The following RNGTT variants were observed in gnomAD, a reference collection of about 807,000 sequenced individuals.
The protein encoded by RNGTT is mRNA-capping enzyme.
Under a neutral mutation model 79.3 loss-of-function variants are expected in RNGTT, and 33 were observed. That is an observed-to-expected ratio of 0.42 (90% CI 0.32 to 0.56). RNGTT has a LOEUF of 0.56. RNGTT is among the 20% of genes least tolerant of loss of function. RNGTT has a pLI of 0.17. For missense variants in RNGTT, 497 were observed against 739.1 expected (o/e 0.67, Z 3.80); for synonymous variants, 222 against 235.9 (o/e 0.94, Z 0.54).
At chr6:88,801,738 A>T (rs1779790747) in intron 11 of RNGTT, 106 bp from the exon 12 acceptor site, 1 of 683,976 alleles carries the variant, frequency 1.5e-6, no homozygotes, top group Non-Finnish European at 2.5e-6. Context: ...ATAAGTTATA[A>T]GAACTGAAAT....
intron 2 of RNGTT, among the ~76,000 whole-genome samples, chr6:88,929,671 T>A (rs1175643357): frequency 6.6e-6 from 1 of 151,964 alleles, no homozygotes; most frequent in African/African-American, 2.4e-5. Context: ...CAACTCAAGC[T>A]CTCGGCACAA....
chr6:88,712,870 C>T (rs1161811736), intron 13 of RNGTT, among the ~76,000 whole-genome samples: 2 of 152,230 alleles, frequency 1.3e-5, no homozygotes, highest in East Asian at 3.9e-4. Flanking sequence ...AAGAAATCTC[C>T]ATGATGTTAC....
At chr6:88,686,977 T>C (rs1266795736) in intron 13 of RNGTT, among the ~76,000 whole-genome samples, 1 of 151,324 alleles carries the variant, frequency 6.6e-6, no homozygotes, top group Non-Finnish European at 1.5e-5. Flanking sequence ...TATGTAAAAA[T>C]TTTTTTAAAT....
intron 12 of RNGTT, among the ~76,000 whole-genome samples, chr6:88,793,981 T>C (rs73498403): frequency 2.6e-5 from 4 of 152,342 alleles, no homozygotes; most frequent in African/African-American, 9.6e-5. Context: ...AATTCATTAC[T>C]TAGTAAATTT....
At chr6:88,701,528 C>T (rs1043135405) in intron 13 of RNGTT, among the ~76,000 whole-genome samples, 6 of 129,438 alleles carry the variant, frequency 4.6e-5, no homozygotes, top group African/African-American at 2.9e-4. Context: ...AATGCAACAA[C>T]AAAAAATTAT....
intron 8 of RNGTT, among the ~76,000 whole-genome samples, chr6:88,887,674 C>T (rs958410153): frequency 2.0e-5 from 3 of 152,022 alleles, no homozygotes; most frequent in Admixed American, 1.3e-4. Flanking sequence ...TCTAACAATA[C>T]CAACACACAG....
chr6:88,849,615 T>C, intron 10 of RNGTT, 140 bp downstream of exon 10: 1 of 613,012 alleles, frequency 1.6e-6, no homozygotes, highest in Non-Finnish European at 2.4e-6. Context: ...TATAAAAGGA[T>C]TAAAAAAAAG....
intron 1 of RNGTT, among the ~76,000 whole-genome samples, chr6:88,948,191 GCC>G (rs1562075211): frequency 5.7e-5 from 1 of 17,430 alleles, no homozygotes; most frequent in Non-Finnish European, 1.1e-4. Flanking sequence ...GGGGGGGTCA[GCC>G]CCCCCGCCCG....
intron 14 of RNGTT, among the ~76,000 whole-genome samples, chr6:88,664,642 C>T (rs1053037718): frequency 2.6e-5 from 4 of 152,082 alleles, no homozygotes; most frequent in African/African-American, 4.8e-5. Flanking sequence ...GTAACCAGTG[C>T]GCCTATTGTA....
intron 13 of RNGTT, among the ~76,000 whole-genome samples, chr6:88,750,403 T>C (rs1033776894): frequency 6.6e-6 from 1 of 152,066 alleles, no homozygotes; most frequent in South Asian, 2.1e-4. Context: ...GGCAAGTCAA[T>C]AGATTTAAGC....
At chr6:88,921,296 G>T (rs1784156311) in intron 4 of RNGTT, among the ~76,000 whole-genome samples, 1 of 151,814 alleles carries the variant, frequency 6.6e-6, no homozygotes, top group African/African-American at 2.4e-5. Context: ...CCCAGCCTGG[G>T]TGACATAGTG....
At chr6:88,840,978 T>A (rs1781267455) in intron 11 of RNGTT, among the ~76,000 whole-genome samples, 1 of 152,224 alleles carries the variant, frequency 6.6e-6, no homozygotes, top group Non-Finnish European at 1.5e-5. Context: ...ATTCATTTTT[T>A]AAAAATGAAC....
chr6:88,762,121 C>T (rs1337569913), intron 13 of RNGTT, among the ~76,000 whole-genome samples: 1 of 152,162 alleles, frequency 6.6e-6, no homozygotes, highest in East Asian at 1.9e-4. Flanking sequence ...TTAGGGTAAT[C>T]AGGTGATAAA....
At chr6:88,696,066 T>G (rs183830450) in intron 13 of RNGTT, among the ~76,000 whole-genome samples, 1 of 152,234 alleles carries the variant, frequency 6.6e-6, no homozygotes, top group East Asian at 1.9e-4. Flanking sequence ...GAAAAAGGTT[T>G]TTGGGATACA....
chr6:88,683,054 T>G (rs1357993764), intron 13 of RNGTT, among the ~76,000 whole-genome samples: 2 of 152,156 alleles, frequency 1.3e-5, no homozygotes, highest in South Asian at 2.1e-4. Flanking sequence ...TAGAAATTGA[T>G]GAGTTAAGTA....
At chr6:88,617,202 G>A (rs190245257) in intron 14 of RNGTT, among the ~76,000 whole-genome samples, 10 of 152,306 alleles carry the variant, frequency 6.6e-5, no homozygotes, top group African/African-American at 1.9e-4. Flanking sequence ...CCTGGGAGGC[G>A]GAGCTTGCAG....
chr6:88,763,145 G>A (rs1447779754), intron 13 of RNGTT, among the ~76,000 whole-genome samples: 1 of 145,542 alleles, frequency 6.9e-6, no homozygotes, highest in African/African-American at 2.6e-5. Context: ...GTTTCACCAG[G>A]TTGCCCAGGC....
At chr6:88,845,499 G>A (rs531231467) in intron 10 of RNGTT, among the ~76,000 whole-genome samples, 5 of 152,208 alleles carry the variant, frequency 3.3e-5, no homozygotes, top group Non-Finnish European at 5.9e-5. Flanking sequence ...AGTAATTATC[G>A]CTTCAATGGC....
chr6:88,713,941 G>A (rs1026273500), intron 13 of RNGTT, among the ~76,000 whole-genome samples: 8 of 151,984 alleles, frequency 5.3e-5, no homozygotes, highest in Admixed American at 2.6e-4. Flanking sequence ...ATTTGGTTAC[G>A]GGCACGGTCT....
Sources: gnomAD v4.1 joint callset for allele counts (sites outside exome capture counted in the v4.1 genomes callset) on GRCh38, gnomAD v4.1.1 for gene constraint, MANE v1.5 for transcripts, NCBI Gene and HGNC (gene_info 2026-07-23, HGNC 2026-07-21) for gene names.